The following SLC25A4 variants were observed in gnomAD, a reference collection of about 807,000 sequenced individuals.
SLC25A4 encodes solute carrier family 25 member 4.
SLC25A4 carries 10 observed loss-of-function variants against 24.7 expected under a neutral mutation model. The observed-to-expected ratio is 0.41, with a 90% confidence interval of 0.25 to 0.69. The LOEUF (loss-of-function observed/expected upper bound fraction) is 0.69. SLC25A4 is among the 30% of genes least tolerant of loss of function. The pLI, the probability that SLC25A4 is intolerant of heterozygous loss-of-function variation, is 0.35. For synonymous variants in SLC25A4, 125 were observed against 153.3 expected, an observed-to-expected ratio of 0.82 and a Z score of 1.36; for missense variants, 273 against 387.6, an observed-to-expected ratio of 0.70 and a Z score of 2.48.
rs1369641438 is a variant in SLC25A4 at position 185,148,367 on chromosome 4, C to T, written c.*1396C>T. 1.3e-5 allele frequency: 2 copies of T among 152,144 alleles called. No homozygotes were observed. The highest frequency in any genetic ancestry group is 4.8e-5 in the African/African-American group (2 of 41,428). 9.4% of individuals were successfully genotyped at this position (152,144 alleles called of 1,614,324 possible). A position where few individuals can be genotyped will look rare whatever the true frequency, so the allele number is the denominator to read the frequency against. Reference sequence around the variant, plus strand: ...CACAAACATTCAGTCCATAGCATCACTTATCAAGCTAGTATTTAATACCTC... The same window carrying T: ...CACAAACATTCAGTCCATAGCATCATTTATCAAGCTAGTATTTAATACCTC... On this transcript the variant is annotated 3_prime_UTR_variant, in exon 4 of 4. Coordinates refer to ENST00000281456, the MANE Select transcript of SLC25A4 (RefSeq NM_001151.4).
In SLC25A4 at chr4:185,145,709, G is replaced by C. The variant is rs1458981692; in HGVS notation, c.599-50G>C. On this transcript the variant is annotated intron_variant, in intron 2 of 3. Transcript: ENST00000281456. The surrounding 1 kb of genome is among the most constrained non-coding windows in gnomAD (Gnocchi z 5.5). ...GCCTCTCTCCCTCCACCTGCTTTCT[G>C]CTGAGAACAGGCACTTCATAGCCGT... 1.9e-6 allele frequency: 3 copies of C among 1,610,918 alleles called. No individual in the cohort carries two copies. The highest frequency in any genetic ancestry group is 2.5e-6 in the Non-Finnish European group (3 of 1,177,444).
chr4:185,145,230 G>A lies in SLC25A4; in HGVS notation c.578G>A (p.Gly193Glu). 6.2e-7 allele frequency: 1 copy of A among 1,614,094 alleles called. No individual in the cohort carries two copies. The highest frequency in any genetic ancestry group is 8.5e-7 in the Non-Finnish European group (1 of 1,180,032). The change falls in exon 2 of 4, where the codon GGA becomes GAA. Residue 193 changes from glycine (G) to glutamate (E), a missense_variant. Coordinates refer to ENST00000281456, the MANE Select transcript of SLC25A4 (RefSeq NM_001151.4). This position sits in a 1 kb window ranked among gnomAD's most constrained non-coding sequence, Gnocchi z 5.5. Reference protein sequence around the residue: ...GIIIYRAAYFGVYDTAKGMLP... With the variant: ...GIIIYRAAYFEVYDTAKGMLP... ...ATTATCTATAGAGCTGCCTACTTCG[G>A]AGTCTATGATACTGCCAAGGGTGAG... is the stretch of plus-strand genomic sequence containing the variant.
chr4:185,148,277 A>C lies in SLC25A4; in HGVS notation c.*1306A>C, dbSNP rs1734479343. 6.6e-6 allele frequency: 1 copy of C among 151,982 alleles called. No homozygotes were observed. Among genetic ancestry groups the C allele is most frequent in the East Asian group, 1.9e-4 (1 of 5,182 alleles). 9.4% of individuals were successfully genotyped at this position (151,982 alleles called of 1,614,324 possible). On this transcript the variant is annotated 3_prime_UTR_variant, in exon 4 of 4. Transcript: ENST00000281456. ...ACCCTCATGACCCAATTACCTCCCA[A>C]ATGCCCCTCCTCCAAACACCACCAC...
chr4:185,146,658 A>T (rs1476393313), intron 3 of SLC25A4, among the ~76,000 whole-genome samples, 156 bp from the exon 4 acceptor site: 1 of 152,214 alleles, frequency 6.6e-6, no homozygotes, highest in Non-Finnish European at 1.5e-5. Context: ...TGAAGCAAGG[A>T]AGGAGATGTC....
Position 185,147,991 on chromosome 4 carries a change from AAAAG to A in SLC25A4, c.*1028_*1031del, listed in dbSNP as rs1463595833. On this transcript the variant is annotated 3_prime_UTR_variant, in exon 4 of 4. Coordinates refer to ENST00000281456, the MANE Select transcript of SLC25A4 (RefSeq NM_001151.4). ...GCAAGACTCTGTCTCAAAAAAAAAA[AAAAG>A]AAAGAAAATCAGTTGTCTTAGTTTA... 1.7e-4 allele frequency: 26 copies of A among 152,026 alleles called. No homozygotes were observed. Among genetic ancestry groups the A allele is most frequent in the South Asian group, 4.2e-4 (2 of 4,818 alleles). The allele number at this position is 152,026 out of a possible 1,614,324, so 9.4% of individuals were successfully genotyped here. A position where few individuals can be genotyped will look rare whatever the true frequency, so the allele number is the denominator to read the frequency against.
rs879427335 is a variant in SLC25A4, at chr4:185,149,822, T to C, written c.*2851T>C. The stretch of plus-strand genomic sequence containing the variant: ...ATTTTCTCCCCTAAAGCCTCACCTG[T>C]TGGCATTTTACATCTTTTTAAGACC... On this transcript the variant is annotated 3_prime_UTR_variant, in exon 4 of 4. Transcript: ENST00000281456. 6 of 152,218 alleles carry C rather than the reference T, an allele frequency of 3.9e-5. No homozygotes were observed. The highest frequency in any genetic ancestry group is 3.9e-4 in the Admixed American group (6 of 15,282). 9.4% of individuals were successfully genotyped at this position (152,218 alleles called of 1,614,324 possible). A position where few individuals can be genotyped will look rare whatever the true frequency, so the allele number is the denominator to read the frequency against.
chr4:185,145,883 G>C lies in SLC25A4; in HGVS notation c.723G>C (p.Gln241His). 1 of 1,614,176 alleles carries C rather than the reference G, an allele frequency of 6.2e-7. No homozygotes were observed. Among genetic ancestry groups the C allele is most frequent in the Non-Finnish European group, 8.5e-7 (1 of 1,180,036 alleles). Residue 241 changes from glutamine (Q) to histidine (H), a missense_variant, in exon 3 of 4, where the codon CAG becomes CAC. Transcript: ENST00000281456. The surrounding 1 kb of genome is among the most constrained non-coding windows in gnomAD (Gnocchi z 5.5). ...FDTVRRRMMM[Q>H]SGRKGADIMY... ...CTGTTCGTCGTAGAATGATGATGCA[G>C]TCCGGCCGGAAAGGGGGTAAGCTTG...
Position 185,149,738 on chromosome 4 carries a change from T to G in SLC25A4, c.*2767T>G, listed in dbSNP as rs1734505159. 1 of 152,144 alleles carries G rather than the reference T, an allele frequency of 6.6e-6. No individual in the cohort carries two copies. Among genetic ancestry groups the G allele is most frequent in the Non-Finnish European group, 1.5e-5 (1 of 68,056 alleles). 9.4% of individuals were successfully genotyped at this position (152,144 alleles called of 1,614,324 possible). A position where few individuals can be genotyped will look rare whatever the true frequency, so the allele number is the denominator to read the frequency against. ...TCATCAGCCCCATTTCCCACACAGC[T>G]CTCTCCTAGGCGCAGCCCTCCTTCA... On this transcript the variant is annotated 3_prime_UTR_variant, in exon 4 of 4. Coordinates refer to ENST00000281456, the MANE Select transcript of SLC25A4 (RefSeq NM_001151.4).
chr4:185,146,681 G>T, intron 3 of SLC25A4, 133 bp from the exon 4 acceptor site: 1 of 944,244 alleles, frequency 1.1e-6, no homozygotes, highest in Non-Finnish European at 1.7e-6. Flanking sequence ...GTGGGATGTT[G>T]CATGGAGCTG....
At position 185,145,087 on chromosome 4, in the gene SLC25A4, G is replaced by T. The variant is rs762735406; in HGVS notation, c.435G>T (p.Val145=). ...CTAGGACCAGGTTGGCTGCTGATGT[G>T]GGCAAGGGCGCCGCCCAGCGTGAGT... ...DFARTRLAAD[V]GKGAAQREFH... is the part of the protein sequence containing the mutation. The change falls in exon 2 of 4, where the codon GTG becomes GTT. Residue 145 remains valine (V), a synonymous_variant. Coordinates refer to ENST00000281456, the MANE Select transcript of SLC25A4 (RefSeq NM_001151.4). This position sits in a 1 kb window ranked among gnomAD's most constrained non-coding sequence, Gnocchi z 5.5. 2.5e-5 allele frequency: 41 copies of T among 1,613,578 alleles called. No homozygotes were observed. In the Admixed American group the frequency reaches 6.8e-4, roughly 27 times the overall value.
At position 185,144,779 on chromosome 4, in the gene SLC25A4, A is replaced by G. The variant is rs1430225959; in HGVS notation, c.127A>G (p.Lys43Glu). The stretch of plus-strand genomic sequence containing the variant: ...CCTCCACCAGGTCCAGCATGCCAGC[A>G]AACAGATCAGTGCTGAGAAGCAGTA... The part of the protein sequence containing the change: ...KLLLQVQHAS[K>E]QISAEKQYKG... The change falls in exon 2 of 4, where the codon AAA becomes GAA. Residue 43 changes from lysine to glutamate, a missense_variant. Physicochemically the swap from Lys to Glu is moderately conservative, Grantham distance 56. Transcript: ENST00000281456. The G allele has an allele frequency of 6.2e-7, 1 of 1,613,888 alleles. No homozygotes were observed. Among genetic ancestry groups the G allele is most frequent in the Non-Finnish European group, 8.5e-7 (1 of 1,179,986 alleles).
At chr4:185,144,435 C>G (rs1282403524) in intron 1 of SLC25A4, among the ~76,000 whole-genome samples, 1 of 152,026 alleles carries the variant, frequency 6.6e-6, no homozygotes, top group East Asian at 1.9e-4. Context: ...CCAGTAAGCC[C>G]CTCATACAGT....
chr4:185,144,764 G>C lies in SLC25A4; in HGVS notation c.112G>C (p.Val38Leu). 6.2e-7 allele frequency: 1 copy of C among 1,613,384 alleles called. No homozygotes were observed. Among genetic ancestry groups the C allele is most frequent in the Non-Finnish European group, 8.5e-7 (1 of 1,179,932 alleles). Residue 38 changes from valine to leucine, a missense_variant and splice_region_variant, in exon 2 of 4, where the codon GTC becomes CTC. Transcript: ENST00000281456. ...PIERVKLLLQ[V>L]QHASKQISAE... The stretch of plus-strand genomic sequence containing the variant: ...TGTCACCCACCCTCCCCTCCACCAG[G>C]TCCAGCATGCCAGCAAACAGATCAG...
rs1468847737 is a variant in SLC25A4 at position 185,148,814 on chromosome 4, C to T, written c.*1843C>T. On this transcript the variant is annotated 3_prime_UTR_variant, in exon 4 of 4. Coordinates refer to ENST00000281456, the MANE Select transcript of SLC25A4 (RefSeq NM_001151.4). The stretch of plus-strand genomic sequence containing the variant: ...GCAAGTCCCTGTATCCTTGGCAAAG[C>T]TTGAAAGGCAGGCAAATGTCTTCTC... 6.6e-6 allele frequency: 1 copy of T among 152,506 alleles called. No homozygotes were observed. The highest frequency in any genetic ancestry group is 1.5e-5 in the Non-Finnish European group (1 of 68,300). 9.4% of individuals were successfully genotyped at this position (152,506 alleles called of 1,614,324 possible).
Position 185,148,271 on chromosome 4 carries a change from C to T in SLC25A4, c.*1300C>T, listed in dbSNP as rs997144908. On this transcript the variant is annotated 3_prime_UTR_variant, in exon 4 of 4. Coordinates refer to ENST00000281456, the MANE Select transcript of SLC25A4 (RefSeq NM_001151.4). Reference sequence around the variant, plus strand: ...GGCCCTACCCTCATGACCCAATTACCTCCCAAATGCCCCTCCTCCAAACAC... The same window carrying T: ...GGCCCTACCCTCATGACCCAATTACTTCCCAAATGCCCCTCCTCCAAACAC... 6.6e-6 allele frequency: 1 copy of T among 152,238 alleles called. No homozygotes were observed. The highest frequency in any genetic ancestry group is 1.9e-4 in the East Asian group (1 of 5,168). The allele number at this position is 152,238 out of a possible 1,614,324, so 9.4% of individuals were successfully genotyped here.
rs1579212425 is a variant in SLC25A4 at position 185,149,950 on chromosome 4, C to G, written c.*2979C>G. On this transcript the variant is annotated 3_prime_UTR_variant, in exon 4 of 4. Transcript: ENST00000281456. ...GACACTAAAAACAATGAAAACTTGT[C>G]TCAAGTATTTGTGTTGAAATCTCAA... is the stretch of plus-strand genomic sequence containing the variant. 1 of 152,238 alleles carries G rather than the reference C, an allele frequency of 6.6e-6. No individual in the cohort carries two copies. Among genetic ancestry groups the G allele is most frequent in the East Asian group, 1.9e-4 (1 of 5,202 alleles). 9.4% of individuals were successfully genotyped at this position (152,238 alleles called of 1,614,324 possible). A position where few individuals can be genotyped will look rare whatever the true frequency, so the allele number is the denominator to read the frequency against.
At position 185,145,326 on chromosome 4, in the gene SLC25A4, C is replaced by T. The variant is rs530028237; in HGVS notation, c.598+76C>T. On this transcript the variant is annotated intron_variant, in intron 2 of 3. Coordinates refer to ENST00000281456, the MANE Select transcript of SLC25A4 (RefSeq NM_001151.4). The surrounding 1 kb of genome is among the most constrained non-coding windows in gnomAD (Gnocchi z 5.5). ...ATGGGATCTATAACTCACAAAGGAC[C>T]TGATATATATTGATCTTGTTTTTTC... is the stretch of plus-strand genomic sequence containing the variant. 8 of 1,602,826 alleles carry T rather than the reference C, an allele frequency of 5.0e-6. No individual in the cohort carries two copies. In the African/African-American group the frequency reaches 8.0e-5, roughly 16 times the overall value.
Position 185,149,746 on chromosome 4 carries a change from A to G in SLC25A4, c.*2775A>G, listed in dbSNP as rs1395366718. On this transcript the variant is annotated 3_prime_UTR_variant, in exon 4 of 4. Coordinates refer to ENST00000281456, the MANE Select transcript of SLC25A4 (RefSeq NM_001151.4). Reference sequence around the variant, plus strand: ...CCCATTTCCCACACAGCTCTCTCCTAGGCGCAGCCCTCCTTCACCACCACC... The same window carrying G: ...CCCATTTCCCACACAGCTCTCTCCTGGGCGCAGCCCTCCTTCACCACCACC... 1 of 152,258 alleles carries G rather than the reference A, an allele frequency of 6.6e-6. No homozygotes were observed. Among genetic ancestry groups the G allele is most frequent in the Non-Finnish European group, 1.5e-5 (1 of 68,078 alleles). 9.4% of individuals were successfully genotyped at this position (152,258 alleles called of 1,614,324 possible). A position where few individuals can be genotyped will look rare whatever the true frequency, so the allele number is the denominator to read the frequency against.
rs1734480637 is a variant in SLC25A4, at chr4:185,148,394, T to C, written c.*1423T>C. On this transcript the variant is annotated 3_prime_UTR_variant, in exon 4 of 4. Transcript: ENST00000281456. Reference sequence around the variant, plus strand: ...TATCAAGCTAGTATTTAATACCTCTTAGGCCCCGTGGAAGGGAAAATAGAT... The same window carrying C: ...TATCAAGCTAGTATTTAATACCTCTCAGGCCCCGTGGAAGGGAAAATAGAT... The C allele has an allele frequency of 6.6e-6, 1 of 152,158 alleles. No individual in the cohort carries two copies. The highest frequency in any genetic ancestry group is 6.5e-5 in the Admixed American group (1 of 15,280). The allele number at this position is 152,158 out of a possible 1,614,324, so 9.4% of individuals were successfully genotyped here.
Sources: gnomAD v4.1 joint callset for allele counts (sites outside exome capture counted in the v4.1 genomes callset) on GRCh38, gnomAD v4.1.1 for gene constraint, Gnocchi (gnomAD v3.1) non-coding constraint, MANE v1.5 for transcripts, NCBI Gene and HGNC (gene_info 2026-07-23, HGNC 2026-07-21) for gene names.